Variants in EP300 observed in about 807,000 individuals in gnomAD.
EP300 encodes EP300 lysine acetyltransferase.
In EP300, 31 loss-of-function variants were observed where a neutral mutation model predicts 264.0. That is an observed-to-expected ratio of 0.12 (90% confidence interval 0.09 to 0.16). The LOEUF is 0.16. EP300 is among the 10% of genes least tolerant of loss of function. The pLI is 1.00. For missense variants in EP300, 2,766 were observed against 3,052.9 expected (o/e 0.91, Z 2.21); for synonymous variants, 1,340 against 1,045.4 (o/e 1.28, Z -5.44).
intron 20 of EP300, among the ~76,000 whole-genome samples, chr22:41,162,011 ATAGTC>A (rs1362038935): frequency 6.6e-6 from 1 of 152,214 alleles, no homozygotes; most frequent in Non-Finnish European, 1.5e-5. Context: ...GGCTTACCAA[ATAGTC>A]TAAACCTTAA....
At position 41,175,410 on chromosome 22, in the gene EP300, T is replaced by G. The variant is rs569148963; in HGVS notation, c.4780-837T>G. On this transcript the variant is annotated intron_variant, in intron 29 of 30. Transcript: ENST00000263253. ...ATAGGTGTTTATAGTTATATACTAA[T>G]TAATGTCAAATACATATGTAATACC... 5.3e-5 allele frequency among the ~76,000 whole-genome samples: 8 copies of G among 152,338 alleles called. No individual in the cohort carries two copies. In the South Asian group the frequency reaches 1.0e-3, roughly 20 times the overall value.
rs1024222035 is a variant in EP300 at position 41,173,617 on chromosome 22, C to A, written c.4618-6C>A. 3 of 1,613,918 alleles carry A rather than the reference C, an allele frequency of 1.9e-6. No homozygotes were observed. The highest frequency in any genetic ancestry group is 2.2e-5 in the South Asian group (2 of 91,066). On this transcript the variant is annotated splice_polypyrimidine_tract_variant and splice_region_variant and intron_variant, in intron 28 of 30. Transcript: ENST00000263253. ...ATTTTCTTGTCTCCTTTGTGCTACT[C>A]TGCAGGTGACCAAGGGAGACAGCAA...
intron 6 of EP300, among the ~76,000 whole-genome samples, chr22:41,135,418 AT>A (rs1182776629): frequency 1.5e-4 from 23 of 152,224 alleles, no homozygotes; most frequent in Middle Eastern, 3.4e-3. Flanking sequence ...TTGAATGATA[AT>A]TTTGGGGGAT....
At chr22:41,110,861 G>A (rs1416718955) in intron 1 of EP300, among the ~76,000 whole-genome samples, 1 of 151,910 alleles carries the variant, frequency 6.6e-6, no homozygotes, top group African/African-American at 2.4e-5. Flanking sequence ...TTAATACTGA[G>A]GATTTCTAAG....
At position 41,177,428 on chromosome 22, in the gene EP300, C is replaced by G. The variant is rs749435586; in HGVS notation, c.5717C>G (p.Thr1906Ser). The change falls in exon 31 of 31, where the codon ACC (threonine) becomes AGC (serine). Residue 1906 changes from threonine to serine, a missense_variant. By Grantham distance (58) the Thr-to-Ser change is moderately conservative. Transcript: ENST00000263253. ...CAGGGTAAGGCAGCAGGCCAGGTGA[C>G]CCCTCCAACCCCTCCTCAGACTGCT... ...VSQGKAAGQV[T>S]PPTPPQTAQP... is the part of the protein sequence containing the mutation. 6.2e-7 allele frequency: 1 copy of G among 1,614,054 alleles called. No individual in the cohort carries two copies. Among genetic ancestry groups the G allele is most frequent in the African/African-American group, 1.3e-5 (1 of 74,902 alleles).
Position 41,121,984 on chromosome 22 carries a change from A to G in EP300, c.730-3880A>G, listed in dbSNP as rs560750080. 1.6e-3 allele frequency among the ~76,000 whole-genome samples: 248 copies of G among 152,212 alleles called. 1 individual carries two copies. Among genetic ancestry groups the G allele is most frequent in the Middle Eastern group, 6.8e-3 (2 of 294 alleles). On this transcript the variant is annotated intron_variant, in intron 2 of 30. Transcript: ENST00000263253. ...ATGGATATTATTGGAGCCACATAGG[A>G]TAAATACTAGTAGTTTAAAAAAAAC...
intron 18 of EP300, among the ~76,000 whole-genome samples, 199 bp from the exon 19 acceptor site, chr22:41,158,213 T>C (rs933612317): frequency 2.0e-5 from 3 of 152,250 alleles, no homozygotes; most frequent in Admixed American, 6.5e-5. Flanking sequence ...TGGAAGGATA[T>C]GACTGCTAAG....
intron 29 of EP300, among the ~76,000 whole-genome samples, chr22:41,174,165 C>T (rs2145772677): frequency 6.6e-6 from 1 of 152,250 alleles, no homozygotes; most frequent in South Asian, 2.1e-4. Context: ...GGCGTGGTGG[C>T]TCATGCCTGT....
At chr22:41,173,090 C>T (rs2059180146) in intron 28 of EP300, among the ~76,000 whole-genome samples, 1 of 152,190 alleles carries the variant, frequency 6.6e-6, no homozygotes, top group African/African-American at 2.4e-5. Context: ...ATTTAAGTTA[C>T]TAAGCCTGGC....
chr22:41,118,228 A>G (rs9623327), intron 2 of EP300, among the ~76,000 whole-genome samples: 2,698 of 152,280 alleles, frequency 0.018, 73 homozygotes, highest in African/African-American at 0.062. Context: ...ATTCTGAGAA[A>G]TGTATTAACT....
At chr22:41,157,522 T>A in intron 18 of EP300, 114 bp downstream of exon 18, 1 of 1,307,734 alleles carries the variant, frequency 7.6e-7, no homozygotes, top group Admixed American at 2.1e-5. Context: ...CTTTTTTTTT[T>A]TTTTTTTTTT....
intron 23 of EP300, among the ~76,000 whole-genome samples, chr22:41,167,864 C>T (rs1397333613): frequency 9.8e-5 from 10 of 101,976 alleles, no homozygotes; most frequent in South Asian, 3.8e-4. Flanking sequence ...GACAGAGTCT[C>T]GCTGTCGCCC....
At chr22:41,158,562 A>C in intron 19 of EP300, 62 bp downstream of exon 19, 1 of 1,294,766 alleles carries the variant, frequency 7.7e-7, no homozygotes, top group South Asian at 1.2e-5. Context: ...GTGCATGCGG[A>C]TGGGCCAGCA....
intron 11 of EP300, among the ~76,000 whole-genome samples, chr22:41,147,398 A>G (rs995349559): frequency 3.9e-5 from 6 of 151,934 alleles, no homozygotes; most frequent in African/African-American, 1.5e-4. Context: ...TGTGAATGAG[A>G]CAGATTTATT....
At chr22:41,105,038 T>C (rs1022637017) in intron 1 of EP300, among the ~76,000 whole-genome samples, 1 of 151,662 alleles carries the variant, frequency 6.6e-6, no homozygotes, top group South Asian at 2.1e-4. Context: ...CTACTAAAAA[T>C]ACAGAAAAAT....
At chr22:41,168,003 G>A (rs1287665817) in intron 23 of EP300, among the ~76,000 whole-genome samples, 1 of 149,880 alleles carries the variant, frequency 6.7e-6, no homozygotes, top group Non-Finnish European at 1.5e-5. Flanking sequence ...TGTATTTTTA[G>A]TAGAGACGGG....
rs1360290998 is a variant in EP300, at chr22:41,092,843, C to G, written c.-162C>G. The G allele has an allele frequency of 2.5e-6, 2 of 786,186 alleles. No homozygotes were observed. Among genetic ancestry groups the G allele is most frequent in the Non-Finnish European group, 4.5e-6 (2 of 444,806 alleles). The allele number at this position is 786,186 out of a possible 1,614,324, so 48.7% of individuals were successfully genotyped here. On this transcript the variant is annotated 5_prime_UTR_variant, in exon 1 of 31. Transcript: ENST00000263253. The stretch of plus-strand genomic sequence containing the variant: ...CTATCGAGTCCGCATCCCTCTCCAG[C>G]CACTGCGACCCGGCGAAGAGAAAAA...
chr22:41,109,505 A>G (rs1037521429), intron 1 of EP300, among the ~76,000 whole-genome samples: 1 of 152,194 alleles, frequency 6.6e-6, no homozygotes, highest in African/African-American at 2.4e-5. Flanking sequence ...AGTGCTGGAT[A>G]AATGTATGCT....
intron 16 of EP300, 72 bp from the exon 17 acceptor site, chr22:41,154,923 C>A: frequency 9.8e-7 from 1 of 1,022,790 alleles, no homozygotes; most frequent in Non-Finnish European, 1.5e-6. Flanking sequence ...TTTAGAGCTT[C>A]AGGCTGAATG....
Sources: gnomAD v4.1 joint callset for allele counts (sites outside exome capture counted in the v4.1 genomes callset) on GRCh38, gnomAD v4.1.1 for gene constraint, MANE v1.5 for transcripts, NCBI Gene and HGNC (gene_info 2026-07-23, HGNC 2026-07-21) for gene names.